Variants in SLC5A9 observed in about 807,000 individuals in gnomAD.
SLC5A9 encodes sodium/glucose cotransporter 4.
SLC5A9 carries 59 observed loss-of-function variants against 70.9 expected under a neutral mutation model. The observed-to-expected ratio is 0.83, with a 90% confidence interval of 0.68 to 1.03. SLC5A9 has a LOEUF of 1.03. Ranked by LOEUF, SLC5A9 falls within the 50% of genes least tolerant of loss-of-function variation. The probability of loss-of-function intolerance (pLI) is 0.00; values close to 1 mark genes in which losing one functional copy is unlikely to be tolerated. For synonymous variants in SLC5A9, 340 were observed against 346.5 expected (o/e 0.98, Z 0.21); for missense variants, 832 against 881.1 (o/e 0.94, Z 0.71).
Position 48,239,618 on chromosome 1 carries a change from C to G in SLC5A9, c.1677+81C>G. The G allele has an allele frequency of 7.3e-7, 1 of 1,369,806 alleles. No individual in the cohort carries two copies. The highest frequency in any genetic ancestry group is 1.0e-6 in the Non-Finnish European group (1 of 966,564). 84.9% of individuals were successfully genotyped at this position (1,369,806 alleles called of 1,614,324 possible). ...CCTAGAATTCCACTGCTGACTTTTA[C>G]TCTGTTGGGTTATGGTCTCCCCTGT... is the stretch of plus-strand genomic sequence containing the variant. On this transcript the variant is annotated intron_variant, in intron 12 of 13. Transcript: ENST00000438567. This position sits in a 1 kb window ranked among gnomAD's most constrained non-coding sequence, Gnocchi z 4.2.
chr1:48,227,312 CTG>C lies in SLC5A9; in HGVS notation c.235-1533_235-1532del, dbSNP rs368729630. Among the ~76,000 whole-genome samples, 1,327 of 109,350 alleles carry C rather than the reference CTG, an allele frequency of 0.012. 66 individuals carry two copies. In the East Asian group the frequency reaches 0.16, roughly 13 times the overall value. The allele number at this position is 109,350 out of a possible 152,430, so 71.7% of individuals were successfully genotyped here. A position where few individuals can be genotyped will look rare whatever the true frequency, so the allele number is the denominator to read the frequency against. On this transcript the variant is annotated intron_variant, in intron 2 of 13. Transcript: ENST00000438567. ...GTGTGAGAGTGTGTGTGTACTGTGC[CTG>C]TGTGGGCGTGAGTGCATGTGTGTGT...
Position 48,224,726 on chromosome 1 carries a change from G to A in SLC5A9, c.165G>A (p.Ser55=), listed in dbSNP as rs759289764. 38 of 1,613,904 alleles carry A rather than the reference G, an allele frequency of 2.4e-5. No individual in the cohort carries two copies. The highest frequency in any genetic ancestry group is 3.3e-5 in the Admixed American group (2 of 59,988). The change falls in exon 2 of 14, where the codon TCG becomes TCA. Residue 55 remains serine, a splice_region_variant and synonymous_variant. Transcript: ENST00000438567. ...CATCTCATCTATTTCCTTTCCAGTCGTCCATCCGTGCAAGTCGAGGGACCA... is the reference window on the plus strand; with the variant it reads ...CATCTCATCTATTTCCTTTCCAGTCATCCATCCGTGCAAGTCGAGGGACCA... The part of the protein sequence containing the change: ...FVFVIAVGIW[S]SIRASRGTIG...
intron 3 of SLC5A9, 74 bp from the exon 4 acceptor site, chr1:48,229,221 G>A (rs747888318): frequency 2.5e-6 from 4 of 1,613,984 alleles, no homozygotes; most frequent in South Asian, 1.1e-5. Context: ...GCACAGCACT[G>A]CCTCTGGGTG....
At position 48,243,753 on chromosome 1, in the gene SLC5A9, AAAAT is replaced by A. The variant is rs563581067; in HGVS notation, c.1837+1158_1837+1161del. Among the ~76,000 whole-genome samples, 42 of 152,230 alleles carry A rather than the reference AAAAT, an allele frequency of 2.8e-4. No individual in the cohort carries two copies. The South Asian group carries it at 5.4e-3, about 20-fold the overall frequency. On this transcript the variant is annotated intron_variant, in intron 13 of 13. Transcript: ENST00000438567. Reference sequence around the variant, plus strand: ...AAAAGAAAAAAAAAGGCGTCCCAGGAAAATAAATAAATAAATAAATAAATTCCAA... The same window carrying A: ...AAAAGAAAAAAAAAGGCGTCCCAGGAAAATAAATAAATAAATAAATTCCAA...
rs1644481823 is a variant in SLC5A9, at chr1:48,248,370, T to G, written c.*827T>G. 6.6e-6 allele frequency: 1 copy of G among 152,336 alleles called. No homozygotes were observed. Among genetic ancestry groups the G allele is most frequent in the Admixed American group, 6.5e-5 (1 of 15,286 alleles). 9.4% of individuals were successfully genotyped at this position (152,336 alleles called of 1,614,324 possible). ...AGCCTGGGAGCCACTGTGCCTGTGC[T>G]TCTCTGTCCTTCTCCCTTTGCTTGC... On this transcript the variant is annotated 3_prime_UTR_variant, in exon 14 of 14. Coordinates refer to ENST00000438567, the MANE Select transcript of SLC5A9 (RefSeq NM_001011547.3).
chr1:48,226,296 G>C (rs1644145647), intron 2 of SLC5A9, among the ~76,000 whole-genome samples: 1 of 152,214 alleles, frequency 6.6e-6, no homozygotes, highest in South Asian at 2.1e-4. Context: ...TTCAGGAGAA[G>C]CCCAGGGGCC....
intron 10 of SLC5A9, among the ~76,000 whole-genome samples, chr1:48,237,205 C>A (rs964512089): frequency 6.6e-6 from 1 of 151,906 alleles, no homozygotes; most frequent in Non-Finnish European, 1.5e-5. Context: ...GATTCTTTCC[C>A]AAGATCAATG....
rs760808790 is a variant in SLC5A9, at chr1:48,239,558, G to A, written c.1677+21G>A. 2.3e-5 allele frequency: 37 copies of A among 1,607,622 alleles called. No individual in the cohort carries two copies. The South Asian group carries it at 4.1e-4, about 18-fold the overall frequency. On this transcript the variant is annotated intron_variant, in intron 12 of 13. Transcript: ENST00000438567. This position sits in a 1 kb window ranked among gnomAD's most constrained non-coding sequence, Gnocchi z 4.2. ...AACAGGCAAGTGTTGTGCTCATACT[G>A]AGGCCCTCCAGAAATGCTCTCCCTT...
chr1:48,235,289 A>G (rs977839902), intron 9 of SLC5A9, among the ~76,000 whole-genome samples: 3 of 152,220 alleles, frequency 2.0e-5, no homozygotes, highest in African/African-American at 7.2e-5. Context: ...TGAAGAAGGT[A>G]TGGAAACACT....
intron 7 of SLC5A9, 24 bp from the exon 8 acceptor site, chr1:48,232,343 A>G: frequency 6.2e-7 from 1 of 1,613,036 alleles, no homozygotes; most frequent in Non-Finnish European, 8.5e-7. Flanking sequence ...CCTGCGCTGC[A>G]CTCCTCATTT....
At chr1:48,241,790 T>A (rs762324495) in intron 12 of SLC5A9, among the ~76,000 whole-genome samples, 1 of 152,034 alleles carries the variant, frequency 6.6e-6, no homozygotes. Flanking sequence ...CCACTCCTTG[T>A]CCTGTGTTCT....
At chr1:48,226,255 G>A (rs2148562473) in intron 2 of SLC5A9, among the ~76,000 whole-genome samples, 1 of 151,808 alleles carries the variant, frequency 6.6e-6, no homozygotes, top group East Asian at 1.9e-4. Context: ...GGAGGAGAAA[G>A]AAGCAGGACA....
intron 7 of SLC5A9, 44 bp from the exon 8 acceptor site, chr1:48,232,323 C>A: frequency 6.2e-7 from 1 of 1,606,472 alleles, no homozygotes; most frequent in South Asian, 1.1e-5. Flanking sequence ...CTTAATGAGC[C>A]TCTCCTCTAC....
At chr1:48,236,128 G>C (rs570944353) in intron 10 of SLC5A9, among the ~76,000 whole-genome samples, 1 of 152,154 alleles carries the variant, frequency 6.6e-6, no homozygotes, top group Non-Finnish European at 1.5e-5. Flanking sequence ...CAGGGTTGTC[G>C]AGAGATGAAA....
intron 10 of SLC5A9, among the ~76,000 whole-genome samples, chr1:48,236,155 A>G (rs1036641901): frequency 1.3e-5 from 2 of 152,252 alleles, no homozygotes; most frequent in Non-Finnish European, 1.5e-5. Flanking sequence ...TTAAGAAATG[A>G]AAGGTAAACT....
chr1:48,229,326 T>C lies in SLC5A9; in HGVS notation c.371T>C (p.Val124Ala), dbSNP rs1569825031. 6.2e-7 allele frequency: 1 copy of C among 1,614,034 alleles called. No individual in the cohort carries two copies. Among genetic ancestry groups the C allele is most frequent in the African/African-American group, 1.3e-5 (1 of 74,924 alleles). ...ATWLLLALGW[V>A]FVPVYIAAGV... ...TGGCTGCTCCTGGCCCTTGGCTGGG[T>C]CTTCGTCCCTGTGTACATCGCAGCA... Residue 124 changes from valine (V) to alanine (A), a missense_variant, in exon 4 of 14, where the codon GTC becomes GCC. Transcript: ENST00000438567.
chr1:48,230,650 C>A lies in SLC5A9; in HGVS notation c.555C>A (p.Asn185Lys), dbSNP rs767995111. ...ALFIQMALGW[N>K]LYLSTGILLV... ...TCATCCAGATGGCATTGGGCTGGAA[C>A]CTGTACCTCTCCACAGGGATCCTGC... The change falls in exon 5 of 14, where the codon AAC (asparagine) becomes AAA (lysine). Residue 185 changes from asparagine to lysine, a missense_variant. Transcript: ENST00000438567. The A allele has an allele frequency of 8.1e-6, 13 of 1,613,984 alleles. No individual in the cohort carries two copies. The highest frequency in any genetic ancestry group is 3.3e-4 in the Middle Eastern group (2 of 6,084).
At chr1:48,231,260 T>C (rs1031293870) in intron 5 of SLC5A9, among the ~76,000 whole-genome samples, 6 of 152,200 alleles carry the variant, frequency 3.9e-5, no homozygotes, top group African/African-American at 1.4e-4. Flanking sequence ...AGGAATGGAC[T>C]TGGGATATTA....
At chr1:48,228,811 C>T (rs369388755) in intron 2 of SLC5A9, 39 bp from the exon 3 acceptor site, 201 of 1,611,648 alleles carry the variant, frequency 1.2e-4, no homozygotes, top group Non-Finnish European at 1.7e-4. Context: ...ATTCAGATCA[C>T]TCCTGACTCC....
Sources: allele counts gnomAD v4.1 joint callset (sites outside exome capture counted in the v4.1 genomes callset), GRCh38; gene constraint gnomAD v4.1.1; non-coding constraint Gnocchi (gnomAD v3.1); transcripts MANE v1.5; gene names NCBI Gene and HGNC (gene_info 2026-07-23, HGNC 2026-07-21).